Variants in FBXL4 observed in about 807,000 individuals in gnomAD.
The protein encoded by FBXL4 is F-box/LRR-repeat protein 4.
Under a neutral mutation model 58.9 loss-of-function variants are expected in FBXL4, and 40 were observed. The ratio of observed to expected loss-of-function variants is 0.68; its 90% CI spans 0.53 to 0.88. FBXL4 has a LOEUF of 0.88. Ranked by LOEUF, FBXL4 falls within the 40% of genes least tolerant of loss-of-function variation. The pLI is 0.00. For synonymous variants in FBXL4, 263 were observed against 265.5 expected, an observed-to-expected ratio of 0.99 and a Z score of 0.09; for missense variants, 676 against 734.4, an observed-to-expected ratio of 0.92 and a Z score of 0.92.
At chr6:98,895,166 C>CTA (rs1326735493) in intron 7 of FBXL4, among the ~76,000 whole-genome samples, 1 of 152,138 alleles carries the variant, frequency 6.6e-6, no homozygotes, top group Non-Finnish European at 1.5e-5. Flanking sequence ...GAGAGTAGGC[C>CTA]TATATAAACT....
chr6:98,942,891 G>A (rs1773483656), intron 1 of FBXL4, among the ~76,000 whole-genome samples: 1 of 152,098 alleles, frequency 6.6e-6, no homozygotes, highest in Non-Finnish European at 1.5e-5. Context: ...AAACTTGCAG[G>A]AGAGGGGAAA....
chr6:98,927,148 A>G (rs1250303777), intron 3 of FBXL4, 88 bp from the exon 4 acceptor site: 13 of 593,874 alleles, frequency 2.2e-5, no homozygotes, highest in Non-Finnish European at 3.4e-5. Flanking sequence ...TCTACCCTCA[A>G]TGTAATTTCT....
intron 5 of FBXL4, among the ~76,000 whole-genome samples, chr6:98,915,894 T>C (rs927683462): frequency 2.6e-5 from 4 of 151,172 alleles, no homozygotes; most frequent in Admixed American, 1.3e-4. Flanking sequence ...ACCTACAAAA[T>C]GGGAGAAAAT....
intron 5 of FBXL4, 120 bp downstream of exon 5, chr6:98,917,254 A>G (rs895215228): frequency 1.6e-6 from 1 of 632,524 alleles, no homozygotes. Flanking sequence ...AATATACAAC[A>G]CATCAAATTA....
At chr6:98,874,490 C>T (rs1770584673) in intron 9 of FBXL4, 49 bp from the exon 10 acceptor site, 3 of 1,540,746 alleles carry the variant, frequency 1.9e-6, no homozygotes, top group Non-Finnish European at 2.6e-6. Flanking sequence ...TTAAGTATAA[C>T]ATTTATATAA....
At chr6:98,938,658 C>T (rs1414213617) in intron 1 of FBXL4, among the ~76,000 whole-genome samples, 3 of 152,166 alleles carry the variant, frequency 2.0e-5, no homozygotes, top group Admixed American at 6.5e-5. Flanking sequence ...AACCCAGATA[C>T]ATTTGCACAA....
At chr6:98,897,980 G>T (rs1771465140) in intron 7 of FBXL4, among the ~76,000 whole-genome samples, 1 of 152,166 alleles carries the variant, frequency 6.6e-6, no homozygotes, top group Admixed American at 6.5e-5. Flanking sequence ...GACCAACAAG[G>T]CTTCTACCAT....
chr6:98,905,547 A>G lies in FBXL4; in HGVS notation c.982T>C (p.Tyr328His), dbSNP rs772370168. The change falls in exon 6 of 10, where the codon TAC becomes CAC. Residue 328 changes from tyrosine to histidine, a missense_variant. By Grantham distance (83) the Tyr-to-His change is moderately conservative. Coordinates refer to ENST00000369244, the MANE Select transcript of FBXL4 (RefSeq NM_001278716.2). ...GAAGTGTCATCTAGTTTTGCCCAGT[A>G]TGGTTGCAGATTGAGGTGGATGTAT... ...LQYIHLNLQP[Y>H]WAKLDDTSLE... 6.2e-7 allele frequency: 1 copy of G among 1,614,048 alleles called. No individual in the cohort carries two copies. Among genetic ancestry groups the G allele is most frequent in the South Asian group, 1.1e-5 (1 of 91,082 alleles).
intron 4 of FBXL4, among the ~76,000 whole-genome samples, chr6:98,922,085 G>A (rs1367301456): frequency 3.9e-5 from 6 of 152,082 alleles, no homozygotes; most frequent in Admixed American, 1.3e-4. Flanking sequence ...CCGCCACCAC[G>A]CCTGGCTAAT....
chr6:98,944,581 T>A (rs1773549711), intron 1 of FBXL4, among the ~76,000 whole-genome samples: 1 of 152,164 alleles, frequency 6.6e-6, no homozygotes, highest in Admixed American at 6.5e-5. Context: ...TTTCTGCATA[T>A]CATATAAGTA....
At chr6:98,944,062 A>G (rs1773532382) in intron 1 of FBXL4, among the ~76,000 whole-genome samples, 1 of 152,236 alleles carries the variant, frequency 6.6e-6, no homozygotes, top group East Asian at 1.9e-4. Flanking sequence ...ATCAAAATAA[A>G]TGTTTTAGGA....
chr6:98,929,584 A>AG (rs1554222685), intron 2 of FBXL4, among the ~76,000 whole-genome samples: 12 of 151,688 alleles, frequency 7.9e-5, no homozygotes, highest in East Asian at 3.9e-4. Context: ...AAAAAAAAAA[A>AG]AAAGAAAGAA....
At chr6:98,909,756 C>A (rs956246533) in intron 5 of FBXL4, among the ~76,000 whole-genome samples, 3 of 152,068 alleles carry the variant, frequency 2.0e-5, no homozygotes, top group Non-Finnish European at 4.4e-5. Flanking sequence ...CCCAGCTTTT[C>A]CTTCATCTTT....
In FBXL4 at chr6:98,874,356, C is replaced by G; in HGVS notation, c.1788G>C (p.Ser596=). 6.2e-7 allele frequency: 1 copy of G among 1,612,846 alleles called. No individual in the cohort carries two copies. The highest frequency in any genetic ancestry group is 8.5e-7 in the Non-Finnish European group (1 of 1,179,446). The part of the protein sequence containing the change: ...DLSLLDVSFC[S]QIDNRAVLEL... ...CTAGCACAGCTCTGTTATCAATCTG[C>G]GAACAGAAGGACACATCAAGTAAAG... Residue 596 remains serine, a synonymous_variant, in exon 10 of 10, where the codon TCG becomes TCC. Coordinates refer to ENST00000369244, the MANE Select transcript of FBXL4 (RefSeq NM_001278716.2).
chr6:98,900,372 C>A (rs1771561454), intron 6 of FBXL4, among the ~76,000 whole-genome samples: 2 of 152,164 alleles, frequency 1.3e-5, no homozygotes, highest in Non-Finnish European at 2.9e-5. Context: ...TCAATTTATG[C>A]CACATCTTTA....
At position 98,929,892 on chromosome 6, in the gene FBXL4, A is replaced by T. The variant is rs140140783; in HGVS notation, c.-190-2070T>A. Among the ~76,000 whole-genome samples, 8 of 152,342 alleles carry T rather than the reference A, an allele frequency of 5.3e-5. No individual in the cohort carries two copies. The East Asian group carries it at 1.5e-3, about 29-fold the overall frequency. On this transcript the variant is annotated intron_variant, in intron 2 of 9. Transcript: ENST00000369244. ...GGGGGGAAAGTCACCAGAGGAAATC[A>T]GAACCATATGAGGCATGAACCATGC...
chr6:98,914,517 C>T (rs868504016), intron 5 of FBXL4, among the ~76,000 whole-genome samples: 9 of 152,216 alleles, frequency 5.9e-5, no homozygotes, highest in East Asian at 3.9e-4. Flanking sequence ...GTTCAATATA[C>T]GCAAATCAAT....
intron 9 of FBXL4, 65 bp downstream of exon 9, chr6:98,875,350 T>C (rs1770619695): frequency 1.3e-6 from 2 of 1,545,152 alleles, no homozygotes; most frequent in South Asian, 1.1e-5. Flanking sequence ...TAACAAAAAG[T>C]CTGAGATTGG....
At position 98,874,042 on chromosome 6, in the gene FBXL4, T is replaced by C; in HGVS notation, c.*236A>G. 2.9e-6 allele frequency: 1 copy of C among 343,966 alleles called. No individual in the cohort carries two copies. Among genetic ancestry groups the C allele is most frequent in the South Asian group, 8.8e-5 (1 of 11,358 alleles). The allele number at this position is 343,966 out of a possible 1,614,324, so 21.3% of individuals were successfully genotyped here. On this transcript the variant is annotated 3_prime_UTR_variant, in exon 10 of 10. Coordinates refer to ENST00000369244, the MANE Select transcript of FBXL4 (RefSeq NM_001278716.2). ...ATTATTGACTAAAGCATATCACTGATTAACATAAGGTAAAAATAATATCCA... is the reference window on the plus strand; with the variant it reads ...ATTATTGACTAAAGCATATCACTGACTAACATAAGGTAAAAATAATATCCA...
Sources: gnomAD v4.1 joint callset for allele counts (sites outside exome capture counted in the v4.1 genomes callset) on GRCh38, gnomAD v4.1.1 for gene constraint, MANE v1.5 for transcripts, NCBI Gene and HGNC (gene_info 2026-07-23, HGNC 2026-07-21) for gene names.